The following PDE1C variants were observed in gnomAD, a reference collection of about 807,000 sequenced individuals.
PDE1C encodes the protein phosphodiesterase 1C.
In PDE1C, 62 loss-of-function variants were observed where a neutral mutation model predicts 93.1. The ratio of observed to expected loss-of-function variants is 0.67; its 90% confidence interval spans 0.54 to 0.82. The LOEUF (loss-of-function observed/expected upper bound fraction) is 0.82, where lower values mean the gene tolerates loss of function less well. Ranked by LOEUF, PDE1C falls within the 40% of genes least tolerant of loss-of-function variation. PDE1C has a pLI of 0.00. For synonymous variants in PDE1C, 325 were observed against 310.1 expected, an observed-to-expected ratio of 1.05 and a Z score of -0.50; for missense variants, 742 against 884.6, an observed-to-expected ratio of 0.84 and a Z score of 2.04.
At chr7:31,994,126 T>C (rs6462320) in intron 2 of PDE1C, among the ~76,000 whole-genome samples, 76,472 of 151,792 alleles carry the variant, frequency 0.5, 19,675 homozygotes, top group African/African-American at 0.58. Flanking sequence ...CAAGGAGAGC[T>C]GCATACAGAG....
At chr7:32,184,251 G>A (rs1267487310) in intron 2 of PDE1C, among the ~76,000 whole-genome samples, 1 of 152,218 alleles carries the variant, frequency 6.6e-6, no homozygotes, top group East Asian at 1.9e-4. Context: ...AATTCCTCAG[G>A]GATCTAGAAC....
the PDE1C span, among the ~76,000 whole-genome samples, chr7:31,619,334 A>G: frequency 6.6e-6 from 1 of 152,216 alleles, no homozygotes; most frequent in South Asian, 2.1e-4. Context: ...CTAGGTGCCA[A>G]CAATGATTGG....
intron 2 of PDE1C, among the ~76,000 whole-genome samples, chr7:32,041,567 G>C (rs1486710929): frequency 6.6e-6 from 1 of 152,140 alleles, no homozygotes; most frequent in Non-Finnish European, 1.5e-5. Context: ...TAAATCAGAG[G>C]ATAGAAAAAT....
chr7:31,785,867 C>G (rs1428244390), intron 16 of PDE1C: 1 of 152,154 alleles, frequency 6.6e-6, no homozygotes, highest in African/African-American at 2.4e-5. Context: ...TAATATGTCT[C>G]TTGATACCCA....
At chr7:32,397,621 T>C (rs1038287065) in intron 1 of PDE1C, among the ~76,000 whole-genome samples, 3 of 152,236 alleles carry the variant, frequency 2.0e-5, no homozygotes, top group African/African-American at 4.8e-5. Flanking sequence ...AGGTTATACA[T>C]TGCAACTTTA....
intron 1 of PDE1C, among the ~76,000 whole-genome samples, chr7:32,225,483 G>A (rs1442152371): frequency 6.6e-6 from 1 of 152,144 alleles, no homozygotes; most frequent in African/African-American, 2.4e-5. Flanking sequence ...CACTCGCTAA[G>A]GATTCCAATA....
At chr7:32,200,052 A>G (rs1318614495) in intron 2 of PDE1C, among the ~76,000 whole-genome samples, 1 of 152,220 alleles carries the variant, frequency 6.6e-6, no homozygotes, top group Non-Finnish European at 1.5e-5. Context: ...GCATACACAA[A>G]TATTCCAAAG....
the PDE1C span, among the ~76,000 whole-genome samples, chr7:31,673,678 A>G: frequency 8.1e-5 from 12 of 148,912 alleles, no homozygotes; most frequent in East Asian, 2.0e-4. Context: ...ATTTTAACCT[A>G]TCTGGAATTT....
In PDE1C at chr7:32,277,426, T is replaced by A. The variant is rs577397647; in HGVS notation, c.85+21225A>T. Reference sequence around the variant, plus strand: ...TACAGAAGCTTTGTAAAATGAGATATGATGGATCTGGCCCAAAATGGTATA... The same window carrying A: ...TACAGAAGCTTTGTAAAATGAGATAAGATGGATCTGGCCCAAAATGGTATA... On this transcript the variant is annotated intron_variant, in intron 1 of 18. Coordinates refer to the PDE1C transcript ENST00000396193. Among the ~76,000 whole-genome samples, 6 of 152,320 alleles carry A rather than the reference T, an allele frequency of 3.9e-5. No homozygotes were observed. The South Asian group carries it at 8.3e-4, about 21-fold the overall frequency.
intron 2 of PDE1C, among the ~76,000 whole-genome samples, chr7:31,974,668 T>A (rs1296401904): frequency 1.3e-5 from 2 of 152,180 alleles, no homozygotes; most frequent in South Asian, 4.1e-4. Context: ...CTCTGGCCTA[T>A]GTCCCTTAAG....
intron 2 of PDE1C, among the ~76,000 whole-genome samples, chr7:31,945,474 T>A (rs1182131383): frequency 6.6e-6 from 1 of 152,152 alleles, no homozygotes; most frequent in Non-Finnish European, 1.5e-5. Context: ...CCTTCATTTA[T>A]GAAGGATAAT....
chr7:31,736,685 G>T, the PDE1C span, among the ~76,000 whole-genome samples: 1 of 152,216 alleles, frequency 6.6e-6, no homozygotes, highest in Admixed American at 6.5e-5. Context: ...CTTCATGCAA[G>T]GTTGAGGTTT....
At chr7:32,206,179 A>C (rs1426492707) in intron 2 of PDE1C, among the ~76,000 whole-genome samples, 1 of 152,106 alleles carries the variant, frequency 6.6e-6, no homozygotes. Flanking sequence ...GGACTCTCCC[A>C]CTAGCATGTA....
At position 32,246,742 on chromosome 7, in the gene PDE1C, C is replaced by A. The variant is rs886704473; in HGVS notation, c.86-37203G>T. Reference sequence around the variant, plus strand: ...CTAAATATCAGCTGTGTGACCTCAGCTATGTTTCCTCGGATATAAATGGGT... The same window carrying A: ...CTAAATATCAGCTGTGTGACCTCAGATATGTTTCCTCGGATATAAATGGGT... On this transcript the variant is annotated intron_variant, in intron 1 of 18. Coordinates refer to the PDE1C transcript ENST00000396193. 5.5e-4 allele frequency among the ~76,000 whole-genome samples: 83 copies of A among 152,204 alleles called. 1 individual carries two copies. Among genetic ancestry groups the A allele is most frequent in the African/African-American group, 1.8e-3 (73 of 41,452 alleles).
the PDE1C span, among the ~76,000 whole-genome samples, chr7:31,620,269 A>T: frequency 7.4e-3 from 1,121 of 152,196 alleles, 7 homozygotes; most frequent in Non-Finnish European, 0.011. Context: ...TTCTCCCAGC[A>T]TGCAGCTGGA....
At chr7:32,304,493 G>A (rs866702017) in intron 1 of PDE1C, among the ~76,000 whole-genome samples, 1 of 152,180 alleles carries the variant, frequency 6.6e-6, no homozygotes, top group Non-Finnish European at 1.5e-5. Context: ...GTCTTTCTCT[G>A]TGATGAGCTT....
chr7:32,140,402 C>T (rs567399404), intron 3 of PDE1C, among the ~76,000 whole-genome samples: 6 of 152,178 alleles, frequency 3.9e-5, no homozygotes, highest in Non-Finnish European at 8.8e-5. Flanking sequence ...GTCAGAGTGG[C>T]CTGTTTCCTG....
intron 1 of PDE1C, among the ~76,000 whole-genome samples, chr7:32,362,052 C>T (rs1327148714): frequency 1.3e-5 from 2 of 152,152 alleles, no homozygotes; most frequent in Non-Finnish European, 2.9e-5. Flanking sequence ...AGTGCTACAA[C>T]AGAGGGGCCG....
intron 1 of PDE1C, among the ~76,000 whole-genome samples, chr7:32,276,014 T>C (rs1374110381): frequency 1.3e-5 from 2 of 152,190 alleles, no homozygotes; most frequent in Admixed American, 6.5e-5. Context: ...AAACTCAATA[T>C]CCAATTTATG....
Sources: allele counts gnomAD v4.1 joint callset (sites outside exome capture counted in the v4.1 genomes callset), GRCh38; gene constraint gnomAD v4.1.1; transcripts MANE v1.5; gene names NCBI Gene and HGNC (gene_info 2026-07-23, HGNC 2026-07-21).